The following FAM13A variants were observed in gnomAD, a reference collection of about 807,000 sequenced individuals.
FAM13A encodes family with sequence similarity 13 member A.
Under a neutral mutation model 129.6 loss-of-function variants are expected in FAM13A, and 76 were observed. The ratio of observed to expected loss-of-function variants is 0.59; its 90% CI spans 0.49 to 0.71. The LOEUF (loss-of-function observed/expected upper bound fraction) is 0.71, where lower values mean the gene tolerates loss of function less well. FAM13A is among the 30% of genes least tolerant of loss of function. The pLI is 0.00. For synonymous variants in FAM13A, 443 were observed against 449.9 expected (o/e 0.98, Z 0.20); for missense variants, 1,108 against 1,249.3 (o/e 0.89, Z 1.70).
At chr4:88,849,711 C>G (rs1029872956) in intron 7 of FAM13A, among the ~76,000 whole-genome samples, 1 of 152,142 alleles carries the variant, frequency 6.6e-6, no homozygotes, top group South Asian at 2.1e-4. Context: ...ACAGGGGCCT[C>G]GTTGGTTTTG....
chr4:88,728,371 A>G lies in FAM13A; in HGVS notation c.*162T>C. On this transcript the variant is annotated 3_prime_UTR_variant, in exon 24 of 24. Transcript: ENST00000264344. ...CATTGTCTTCTTCCAGCCAGTTTCTAAGGCAGGCAATGGAAACAGGAGCCG... is the reference window on the plus strand; with the variant it reads ...CATTGTCTTCTTCCAGCCAGTTTCTGAGGCAGGCAATGGAAACAGGAGCCG... 1.3e-6 allele frequency: 1 copy of G among 784,206 alleles called. No homozygotes were observed. The highest frequency in any genetic ancestry group is 1.8e-5 in the South Asian group (1 of 55,626). 48.6% of individuals were successfully genotyped at this position (784,206 alleles called of 1,614,324 possible).
At chr4:89,042,422 T>C (rs1185843057) in intron 1 of FAM13A, among the ~76,000 whole-genome samples, 2 of 152,212 alleles carry the variant, frequency 1.3e-5, no homozygotes, top group Non-Finnish European at 2.9e-5. Flanking sequence ...CAAGGAAATC[T>C]GAAGCCGTCT....
intron 3 of FAM13A, among the ~76,000 whole-genome samples, chr4:88,996,161 C>CACTTCATTGACAATGA (rs1763513518): frequency 6.6e-6 from 1 of 152,098 alleles, no homozygotes. Context: ...GGAGACAATG[C>CACTTCATTGACAATGA]AGAGAGGGAA....
intron 4 of FAM13A, among the ~76,000 whole-genome samples, chr4:88,953,392 T>G (rs916085462): frequency 6.6e-6 from 1 of 151,988 alleles, no homozygotes; most frequent in Non-Finnish European, 1.5e-5. Flanking sequence ...AAGGCGGAGG[T>G]TGCAGTGAGC....
chr4:88,909,869 T>C (rs778795881), intron 5 of FAM13A, among the ~76,000 whole-genome samples: 1 of 152,186 alleles, frequency 6.6e-6, no homozygotes, highest in African/African-American at 2.4e-5. Context: ...CACAAAGCCA[T>C]AGATTGTATA....
chr4:88,831,081 A>C (rs1733816806), intron 7 of FAM13A, among the ~76,000 whole-genome samples: 1 of 152,154 alleles, frequency 6.6e-6, no homozygotes, highest in Admixed American at 6.5e-5. Context: ...CAACTTATGT[A>C]ATTGTTCCTC....
intron 6 of FAM13A, among the ~76,000 whole-genome samples, chr4:88,864,317 A>C (rs1172121451): frequency 1.3e-5 from 2 of 152,250 alleles, no homozygotes; most frequent in Admixed American, 1.3e-4. Context: ...TGGAACTTCA[A>C]ATAAATTTCT....
At chr4:88,962,211 C>T (rs1296820277) in intron 4 of FAM13A, among the ~76,000 whole-genome samples, 1 of 151,678 alleles carries the variant, frequency 6.6e-6, no homozygotes, top group African/African-American at 2.4e-5. Flanking sequence ...TTTGAGTCTC[C>T]TTTTAATAGA....
chr4:88,817,562 CAA>C (rs377569584), intron 7 of FAM13A, among the ~76,000 whole-genome samples: 16 of 110,108 alleles, frequency 1.5e-4, no homozygotes, highest in East Asian at 1.1e-3. Flanking sequence ...GACTCTGTCT[CAA>C]AAAAAAAAAA....
chr4:88,958,153 G>A (rs1221563106), intron 4 of FAM13A, among the ~76,000 whole-genome samples: 1 of 152,148 alleles, frequency 6.6e-6, no homozygotes, highest in Non-Finnish European at 1.5e-5. Context: ...TGACTAAAAG[G>A]AGCCAAGAGC....
At chr4:89,046,876 G>T (rs1770923973) in intron 1 of FAM13A, among the ~76,000 whole-genome samples, 1 of 151,754 alleles carries the variant, frequency 6.6e-6, no homozygotes, top group Non-Finnish European at 1.5e-5. Context: ...GTAACTCAAA[G>T]AGTTGAGTAA....
intron 6 of FAM13A, among the ~76,000 whole-genome samples, chr4:88,866,003 C>T (rs1740369232): frequency 6.8e-6 from 1 of 147,496 alleles, no homozygotes; most frequent in Non-Finnish European, 1.5e-5. Flanking sequence ...TCCCAAGTAG[C>T]TGGGATTACA....
rs371596779 is a variant in FAM13A at position 88,741,770 on chromosome 4, A to G, written c.2467-2645T>C. Reference sequence around the variant, plus strand: ...TTGGGATTTGGGATGCTCAATCAGTATAATGCAAATATTCCAAAATCTGAA... The same window carrying G: ...TTGGGATTTGGGATGCTCAATCAGTGTAATGCAAATATTCCAAAATCTGAA... On this transcript the variant is annotated intron_variant, in intron 19 of 23. Coordinates refer to ENST00000264344, the MANE Select transcript of FAM13A (RefSeq NM_014883.4). Among the ~76,000 whole-genome samples the G allele has an allele frequency of 2.3e-4, 35 of 152,334 alleles. No homozygotes were observed. In the East Asian group the frequency reaches 5.6e-3, roughly 24 times the overall value.
chr4:88,980,322 G>A (rs1761490919), intron 4 of FAM13A, among the ~76,000 whole-genome samples: 1 of 152,034 alleles, frequency 6.6e-6, no homozygotes, highest in South Asian at 2.1e-4. Context: ...TACTGTGGGG[G>A]GTTTTGTTTG....
rs577576188 is a variant in FAM13A, at chr4:89,005,443, T to C, written c.428-14293A>G. Reference sequence around the variant, plus strand: ...CTGGGTATATACCTAGTAATGAGATTTGCTGGGTTGAATGATAGTTCTGTC... The same window carrying C: ...CTGGGTATATACCTAGTAATGAGATCTGCTGGGTTGAATGATAGTTCTGTC... On this transcript the variant is annotated intron_variant, in intron 3 of 23. Coordinates refer to ENST00000264344, the MANE Select transcript of FAM13A (RefSeq NM_014883.4). Among the ~76,000 whole-genome samples, 4 of 152,292 alleles carry C rather than the reference T, an allele frequency of 2.6e-5. No individual in the cohort carries two copies. The East Asian group carries it at 5.8e-4, about 22-fold the overall frequency.
intron 6 of FAM13A, among the ~76,000 whole-genome samples, chr4:88,866,252 T>C (rs2150057322): frequency 6.6e-6 from 1 of 152,274 alleles, no homozygotes; most frequent in Admixed American, 6.5e-5. Flanking sequence ...TTTGCCACTT[T>C]GGCCAGGCTG....
intron 23 of FAM13A, among the ~76,000 whole-genome samples, chr4:88,730,845 A>G (rs1321271421): frequency 6.6e-6 from 1 of 152,176 alleles, no homozygotes; most frequent in Non-Finnish European, 1.5e-5. Context: ...TCTATTGCCC[A>G]GAATAGAGTG....
At chr4:88,885,157 A>T (rs1744201530) in intron 6 of FAM13A, among the ~76,000 whole-genome samples, 1 of 152,194 alleles carries the variant, frequency 6.6e-6, no homozygotes, top group Admixed American at 6.5e-5. Flanking sequence ...AAAAATCTGA[A>T]AATTCATATG....
chr4:88,935,215 C>A (rs797021759), intron 5 of FAM13A, among the ~76,000 whole-genome samples: 12 of 152,344 alleles, frequency 7.9e-5, no homozygotes, highest in African/African-American at 2.9e-4. Context: ...AAGACTCCAT[C>A]TTCCAATACT....
Sources: allele counts gnomAD v4.1 joint callset (sites outside exome capture counted in the v4.1 genomes callset), GRCh38; gene constraint gnomAD v4.1.1; transcripts MANE v1.5; gene names NCBI Gene and HGNC (gene_info 2026-07-23, HGNC 2026-07-21).